The following CDC25A variants were observed in gnomAD, a reference collection of about 807,000 sequenced individuals.
The protein encoded by CDC25A is M-phase inducer phosphatase 1.
In CDC25A, 17 loss-of-function variants were observed where a neutral mutation model predicts 64.6. The observed-to-expected ratio is 0.26, with a 90% CI of 0.18 to 0.39. The LOEUF (loss-of-function observed/expected upper bound fraction) is 0.39. CDC25A is among the 10% of genes least tolerant of loss of function. The pLI, the probability that CDC25A is intolerant of heterozygous loss-of-function variation, is 1.00. For synonymous variants in CDC25A, 229 were observed against 238.6 expected (o/e 0.96, Z 0.37); for missense variants, 473 against 654.8 (o/e 0.72, Z 3.03).
rs369639941 is a variant in CDC25A, at chr3:48,176,238, T to C, written c.756+1133A>G. On this transcript the variant is annotated intron_variant, in intron 8 of 14. Coordinates refer to ENST00000302506, the MANE Select transcript of CDC25A (RefSeq NM_001789.3). ...ATTTGTTCTGTAATTATAGTTCAGG[T>C]TATTGAGAATTAAAAAATATGAACT... Among the ~76,000 whole-genome samples the C allele has an allele frequency of 4.6e-5, 7 of 152,224 alleles. No homozygotes were observed. The East Asian group carries it at 1.4e-3, about 29-fold the overall frequency.
intron 8 of CDC25A, among the ~76,000 whole-genome samples, chr3:48,176,460 T>C (rs751873911): frequency 6.6e-4 from 99 of 149,878 alleles, no homozygotes; most frequent in Non-Finnish European, 1.3e-3. Flanking sequence ...TGTATCTACA[T>C]ATACTATGCT....
intron 2 of CDC25A, among the ~76,000 whole-genome samples, chr3:48,186,130 T>C (rs1033025523): frequency 6.6e-6 from 1 of 152,184 alleles, no homozygotes; most frequent in Non-Finnish European, 1.5e-5. Context: ...ACCAGTAAGA[T>C]TGCCTGAATG....
chr3:48,160,889 T>C (rs1316531392), intron 13 of CDC25A, among the ~76,000 whole-genome samples: 2 of 151,892 alleles, frequency 1.3e-5, no homozygotes, highest in African/African-American at 4.8e-5. Context: ...GCGCGGTGGC[T>C]CACACCTGTA....
At position 48,183,871 on chromosome 3, in the gene CDC25A, AAAC is replaced by A. The variant is rs143390044; in HGVS notation, c.291-38_291-36del. On this transcript the variant is annotated intron_variant, in intron 3 of 14. Coordinates refer to ENST00000302506, the MANE Select transcript of CDC25A (RefSeq NM_001789.3). ...GATCAGAAGGTAAATAATGAGAATA[AAAC>A]AAGTAAAGAGGTATTCATATTAGCA... 13,573 of 1,375,960 alleles carry A rather than the reference AAAC, an allele frequency of 9.9e-3. 110 individuals carry two copies. The highest frequency in any genetic ancestry group is 0.012 in the Non-Finnish European group (11,978 of 965,798). The allele number at this position is 1,375,960 out of a possible 1,614,324, so 85.2% of individuals were successfully genotyped here.
At chr3:48,171,010 T>A (rs1371470527) in intron 9 of CDC25A, among the ~76,000 whole-genome samples, 1 of 152,134 alleles carries the variant, frequency 6.6e-6, no homozygotes, top group Non-Finnish European at 1.5e-5. Flanking sequence ...ATTAACAGTA[T>A]TATTTTATCC....
rs914324994 is a variant in CDC25A at position 48,187,938 on chromosome 3, C to G, written c.10G>C (p.Gly4Arg). 2 of 1,506,118 alleles carry G rather than the reference C, an allele frequency of 1.3e-6. No individual in the cohort carries two copies. Among genetic ancestry groups the G allele is most frequent in the Non-Finnish European group, 1.8e-6 (2 of 1,131,040 alleles). 93.3% of individuals were successfully genotyped at this position (1,506,118 alleles called of 1,614,324 possible). A position where few individuals can be genotyped will look rare whatever the true frequency, so the allele number is the denominator to read the frequency against. Residue 4 changes from glycine (G) to arginine (R), a missense_variant, in exon 1 of 15, where the codon GGC (glycine) becomes CGC (arginine). By Grantham distance (125) the Gly-to-Arg change is moderately radical (BLOSUM62 -2). Around this residue, in one of 2 missense-constraint regions of CDC25A, gnomAD observed 376 missense variants for 431.9 expected, o/e 0.87. Transcript: ENST00000302506. The part of the protein sequence containing the change: MEL[G>R]PEPPHRRRLL... Reference sequence around the variant, plus strand: ...CGGCGGCGGTGCGGGGGCTCCGGGCCCAGTTCCATGGCGGCGCCCGGCCTC... The same window carrying G: ...CGGCGGCGGTGCGGGGGCTCCGGGCGCAGTTCCATGGCGGCGCCCGGCCTC...
chr3:48,167,176 C>T (rs1200689141), intron 10 of CDC25A, among the ~76,000 whole-genome samples: 1 of 152,192 alleles, frequency 6.6e-6, no homozygotes, highest in Non-Finnish European at 1.5e-5. Context: ...ATGCTAAATT[C>T]TTTGAGGGAA....
intron 5 of CDC25A, chr3:48,181,833 T>C: frequency 1.7e-6 from 1 of 604,740 alleles, no homozygotes; most frequent in Non-Finnish European, 2.9e-6. Flanking sequence ...TTACAGTGAT[T>C]TCTATGCCAA....
intron 9 of CDC25A, among the ~76,000 whole-genome samples, chr3:48,171,242 G>A (rs2032257702): frequency 6.6e-6 from 1 of 151,946 alleles, no homozygotes; most frequent in South Asian, 2.1e-4. Flanking sequence ...AGGCGTGGCA[G>A]TGGGCACCTG....
chr3:48,179,012 TTG>T (rs1218298162), intron 6 of CDC25A, among the ~76,000 whole-genome samples: 1 of 152,146 alleles, frequency 6.6e-6, no homozygotes, highest in East Asian at 1.9e-4. Context: ...TATGAATCTG[TTG>T]TTAGTTAAGT....
At chr3:48,161,528 G>C (rs1418649547) in intron 13 of CDC25A, 1 of 152,134 alleles carries the variant, frequency 6.6e-6, no homozygotes, top group Admixed American at 6.6e-5. Context: ...GGGCAACACA[G>C]TGAGACCCTG....
rs1438985651 is a variant in CDC25A, at chr3:48,188,234, C to G, written c.-287G>C. 3.4e-6 allele frequency: 1 copy of G among 294,524 alleles called. No homozygotes were observed. Among genetic ancestry groups the G allele is most frequent in the Non-Finnish European group, 6.2e-6 (1 of 160,440 alleles). The allele number at this position is 294,524 out of a possible 1,614,324, so 18.2% of individuals were successfully genotyped here. ...CGGCAACCTGAAGATTAAATCCAAA[C>G]AAACGTGGCGGGTCGGCAAGAGAAG... On this transcript the variant is annotated 5_prime_UTR_variant, in exon 1 of 15. Transcript: ENST00000302506.
chr3:48,158,118 C>T lies in CDC25A; in HGVS notation c.*827G>A, dbSNP rs1373713430. ...CTGTGGCTCCTATACCAGCCAATGT[C>T]ATGGAACTGGGGTGAGGAAGAACAG... On this transcript the variant is annotated 3_prime_UTR_variant, in exon 15 of 15. Transcript: ENST00000302506. 1 of 152,548 alleles carries T rather than the reference C, an allele frequency of 6.6e-6. No homozygotes were observed. Among genetic ancestry groups the T allele is most frequent in the Admixed American group, 6.6e-5 (1 of 15,264 alleles). 9.4% of individuals were successfully genotyped at this position (152,548 alleles called of 1,614,324 possible).
chr3:48,174,149 ACC>A (rs1308837910), intron 9 of CDC25A, 133 bp downstream of exon 9: 11 of 727,858 alleles, frequency 1.5e-5, no homozygotes, highest in East Asian at 5.5e-5. Flanking sequence ...ACACACACAC[ACC>A]CACACACACA....
At chr3:48,163,546 G>GT (rs1350747477) in intron 13 of CDC25A, among the ~76,000 whole-genome samples, 1 of 152,156 alleles carries the variant, frequency 6.6e-6, no homozygotes, top group Admixed American at 6.6e-5. Context: ...AGAGGTTGCA[G>GT]TGAGAAGAGA....
rs1005108012 is a variant in CDC25A, at chr3:48,184,760, A to G, written c.248-65T>C. On this transcript the variant is annotated intron_variant, in intron 2 of 14. Transcript: ENST00000302506. ...AAACACCATTTTGTCATTAAAATTA[A>G]AACACTAAACAAAGTACCTGGGTCT... 1.0e-5 allele frequency: 12 copies of G among 1,189,426 alleles called. No homozygotes were observed. In the African/African-American group the frequency reaches 1.7e-4, roughly 17 times the overall value. 73.7% of individuals were successfully genotyped at this position (1,189,426 alleles called of 1,614,324 possible). A position where few individuals can be genotyped will look rare whatever the true frequency, so the allele number is the denominator to read the frequency against.
At chr3:48,178,096 T>C (rs2032532210) in intron 6 of CDC25A, 108 bp from the exon 7 acceptor site, 3 of 1,118,418 alleles carry the variant, frequency 2.7e-6, no homozygotes, top group Non-Finnish European at 2.6e-6. Context: ...ATACTTGTTA[T>C]ACAAAGCAAA....
At chr3:48,179,278 C>T (rs977519679) in intron 6 of CDC25A, among the ~76,000 whole-genome samples, 9 of 152,110 alleles carry the variant, frequency 5.9e-5, no homozygotes, top group Non-Finnish European at 1.3e-4. Context: ...TTCTGGGATT[C>T]CTAGGTGCAG....
intron 8 of CDC25A, among the ~76,000 whole-genome samples, chr3:48,175,038 C>A (rs1279100719): frequency 3.9e-5 from 6 of 152,070 alleles, no homozygotes; most frequent in Non-Finnish European, 8.8e-5. Context: ...AGGCTGGGCG[C>A]GGTGGCTCAC....
Sources: allele counts gnomAD v4.1 joint callset (sites outside exome capture counted in the v4.1 genomes callset), GRCh38; gene constraint gnomAD v4.1.1; regional missense constraint gnomAD v4.1.1; transcripts MANE v1.5; gene names NCBI Gene and HGNC (gene_info 2026-07-23, HGNC 2026-07-21).